HPSE2: variants seen among roughly 807,000 people sequenced by gnomAD.
HPSE2 encodes the protein inactive heparanase-2.
HPSE2 carries 38 observed loss-of-function variants against 60.5 expected under a neutral mutation model. That is an observed-to-expected ratio of 0.63 (90% CI 0.48 to 0.82). The LOEUF is 0.82. Ranked by LOEUF, HPSE2 falls within the 40% of genes least tolerant of loss-of-function variation. The probability of loss-of-function intolerance (pLI) is 0.00; values close to 1 mark genes in which losing one functional copy is unlikely to be tolerated. For synonymous variants in HPSE2, 295 were observed against 293.2 expected (o/e 1.01, Z -0.06); for missense variants, 713 against 740.4 (o/e 0.96, Z 0.43).
chr10:99,304,750 T>C, the HPSE2 span, among the ~76,000 whole-genome samples: 6 of 152,224 alleles, frequency 3.9e-5, no homozygotes, highest in African/African-American at 1.2e-4. Context: ...ACAAGGACTT[T>C]GGCTAGTGGC....
rs144976937 is a variant in HPSE2 at position 98,675,241 on chromosome 10, A to G, written c.1004+18659T>C. Among the ~76,000 whole-genome samples, 189 of 152,166 alleles carry G rather than the reference A, an allele frequency of 1.2e-3. 1 individual carries two copies. Among genetic ancestry groups the G allele is most frequent in the African/African-American group, 4.3e-3 (178 of 41,516 alleles). The stretch of plus-strand genomic sequence containing the variant: ...CTTAGCTACCTCCCTCACTTCTTTT[A>G]CATCTGTGTTCAGATCTCACCTTCT... On this transcript the variant is annotated intron_variant, in intron 6 of 11. Transcript: ENST00000370552.
chr10:99,120,434 CCTGCAT>C (rs1481001371), intron 3 of HPSE2, among the ~76,000 whole-genome samples: 2 of 152,008 alleles, frequency 1.3e-5, no homozygotes, highest in Admixed American at 6.6e-5. Context: ...CATATCCTCT[CCTGCAT>C]CTATTATGTT....
intron 9 of HPSE2, among the ~76,000 whole-genome samples, chr10:98,505,320 C>A (rs552535156): frequency 1.7e-3 from 259 of 152,262 alleles, no homozygotes; most frequent in African/African-American, 5.3e-3. Context: ...GAGTGAGGAT[C>A]CAAAATTGTG....
At chr10:99,024,075 A>C (rs549656161) in intron 3 of HPSE2, among the ~76,000 whole-genome samples, 78 of 152,364 alleles carry the variant, frequency 5.1e-4, no homozygotes, top group Admixed American at 7.8e-4. Flanking sequence ...CTGTGTGAGG[A>C]AACTCAAAGA....
chr10:99,068,145 A>G (rs935392717), intron 3 of HPSE2, among the ~76,000 whole-genome samples: 6 of 152,108 alleles, frequency 3.9e-5, no homozygotes, highest in African/African-American at 1.4e-4. Context: ...CCATTCAACA[A>G]GTTTCTAGGA....
chr10:99,011,904 A>C (rs1403320759), intron 3 of HPSE2, among the ~76,000 whole-genome samples: 1 of 151,074 alleles, frequency 6.6e-6, no homozygotes, highest in African/African-American at 2.5e-5. Flanking sequence ...TAATTCTCAA[A>C]CAATGTATTT....
intron 2 of HPSE2, among the ~76,000 whole-genome samples, chr10:99,192,307 A>C (rs888112313): frequency 1.3e-5 from 2 of 152,246 alleles, no homozygotes; most frequent in African/African-American, 2.4e-5. Flanking sequence ...ACATTAAATA[A>C]TCAAACTCCA....
At chr10:98,743,025 T>A (rs1949540366) in intron 4 of HPSE2, among the ~76,000 whole-genome samples, 1 of 140,478 alleles carries the variant, frequency 7.1e-6, no homozygotes, top group African/African-American at 2.7e-5. Context: ...CAGGCTGGAG[T>A]GTAGTGGCAT....
chr10:99,027,497 G>A (rs1957404595), intron 3 of HPSE2, among the ~76,000 whole-genome samples: 1 of 152,118 alleles, frequency 6.6e-6, no homozygotes, highest in South Asian at 2.1e-4. Flanking sequence ...AAAGCCTGGG[G>A]CCTGATGGCT....
chr10:98,459,766 C>A, intron 11 of HPSE2, 27 bp from the exon 12 acceptor site: 1 of 1,598,782 alleles, frequency 6.3e-7, no homozygotes, highest in East Asian at 2.2e-5. Flanking sequence ...CAGTATGGGA[C>A]TCATTATTGC....
At chr10:99,193,641 A>G (rs1307828683) in intron 2 of HPSE2, among the ~76,000 whole-genome samples, 1 of 152,140 alleles carries the variant, frequency 6.6e-6, no homozygotes, top group Non-Finnish European at 1.5e-5. Flanking sequence ...AGCTATGTTT[A>G]TATCACATGG....
chr10:98,960,456 G>A (rs1016869042), intron 3 of HPSE2, among the ~76,000 whole-genome samples: 39 of 151,892 alleles, frequency 2.6e-4, no homozygotes, highest in African/African-American at 7.5e-4. Context: ...TACATTATTC[G>A]AGTTAAAAAG....
intron 6 of HPSE2, among the ~76,000 whole-genome samples, chr10:98,649,714 T>C (rs975639425): frequency 6.6e-6 from 1 of 152,172 alleles, no homozygotes; most frequent in Non-Finnish European, 1.5e-5. Flanking sequence ...AACTCTATTC[T>C]TTTCTTTGCA....
intron 2 of HPSE2, among the ~76,000 whole-genome samples, chr10:99,186,021 C>T (rs1054862011): frequency 1.3e-5 from 2 of 150,918 alleles, no homozygotes; most frequent in Non-Finnish European, 2.9e-5. Context: ...GAAATAATGG[C>T]TGAGAAATTT....
At chr10:99,048,116 G>T in intron 3 of HPSE2, 1 of 948,534 alleles carries the variant, frequency 1.1e-6, no homozygotes, top group South Asian at 1.4e-5. Flanking sequence ...GCGTGCTTAT[G>T]GCAAAATCAA....
chr10:99,315,645 G>A, the HPSE2 span, among the ~76,000 whole-genome samples: 1 of 152,154 alleles, frequency 6.6e-6, no homozygotes, highest in Non-Finnish European at 1.5e-5. Context: ...CACAGCCAGC[G>A]ATGTGGTTAT....
chr10:99,003,684 C>T (rs1327369406), intron 3 of HPSE2, among the ~76,000 whole-genome samples: 3 of 152,138 alleles, frequency 2.0e-5, no homozygotes, highest in Non-Finnish European at 4.4e-5. Flanking sequence ...AGTTTCTCTT[C>T]TTGCTATTGA....
At chr10:99,172,653 G>C (rs1477994137) in intron 2 of HPSE2, among the ~76,000 whole-genome samples, 2 of 152,102 alleles carry the variant, frequency 1.3e-5, no homozygotes, top group African/African-American at 2.4e-5. Flanking sequence ...CAGGGTGGGG[G>C]GATCACCTGA....
At position 98,539,048 on chromosome 10, in the gene HPSE2, AT is replaced by A. The variant is rs1270270467; in HGVS notation, c.1321-48853del. On this transcript the variant is annotated intron_variant, in intron 9 of 11. Transcript: ENST00000370552. ...AGAAATCAGAATACTGTTCTCCAGA[AT>A]TACTGACCCATTACATAGGGGAAGG... 2.0e-5 allele frequency among the ~76,000 whole-genome samples: 3 copies of A among 152,228 alleles called. No individual in the cohort carries two copies. In the East Asian group the frequency reaches 5.8e-4, roughly 29 times the overall value.
Sources: gnomAD v4.1 joint callset for allele counts (sites outside exome capture counted in the v4.1 genomes callset) on GRCh38, gnomAD v4.1.1 for gene constraint, MANE v1.5 for transcripts, NCBI Gene and HGNC (gene_info 2026-07-23, HGNC 2026-07-21) for gene names.